Variants in UBQLN1 observed in about 807,000 individuals in gnomAD.
UBQLN1 encodes the protein ubiquilin 1, also known as ubiquilin-1.
In UBQLN1, 13 loss-of-function variants were observed where a neutral mutation model predicts 65.4. The ratio of observed to expected loss-of-function variants is 0.20; its 90% CI spans 0.13 to 0.32. UBQLN1 has a LOEUF of 0.32. Ranked by LOEUF, UBQLN1 falls within the 10% of genes least tolerant of loss-of-function variation. The pLI is 1.00. For missense variants in UBQLN1, 561 were observed against 724.0 expected (o/e 0.77, Z 2.58); for synonymous variants, 267 against 247.8 (o/e 1.08, Z -0.73).
chr9:83,694,759 A>G (rs1038728996), intron 1 of UBQLN1, among the ~76,000 whole-genome samples: 9 of 152,214 alleles, frequency 5.9e-5, no homozygotes, highest in African/African-American at 2.2e-4. Context: ...AGAAACCAAT[A>G]TAAGTAAATC....
chr9:83,668,461 A>C, intron 7 of UBQLN1: 7 of 985,368 alleles, frequency 7.1e-6, no homozygotes, highest in Non-Finnish European at 8.4e-6. Context: ...GCCCTGTGGT[A>C]TGGAACCTAG....
At chr9:83,707,214 G>A (rs1832425562) in intron 1 of UBQLN1, among the ~76,000 whole-genome samples, 1 of 152,144 alleles carries the variant, frequency 6.6e-6, no homozygotes, top group Admixed American at 6.5e-5. Flanking sequence ...GACGGAGGGC[G>A]GGGAACTGGG....
chr9:83,689,194 C>T (rs72746871), intron 1 of UBQLN1, among the ~76,000 whole-genome samples: 19,836 of 152,214 alleles, frequency 0.13, 1,640 homozygotes, highest in Middle Eastern at 0.26. Flanking sequence ...TGACTAGCTT[C>T]TTATACTTGG....
chr9:83,677,982 A>T (rs1384220521), intron 5 of UBQLN1, 21 bp from the exon 6 acceptor site: 1 of 1,550,772 alleles, frequency 6.4e-7, no homozygotes, highest in Admixed American at 1.9e-5. Flanking sequence ...AGACATAAAA[A>T]ATCACAAAGA....
At chr9:83,666,456 A>G (rs1173136118) in intron 7 of UBQLN1, 23 bp from the exon 8 acceptor site, 13 of 1,608,734 alleles carry the variant, frequency 8.1e-6, no homozygotes, top group Non-Finnish European at 1.1e-5. Context: ...TGTTCAAACA[A>G]TTTTAACTGG....
intron 1 of UBQLN1, among the ~76,000 whole-genome samples, chr9:83,694,418 C>T (rs1832175869): frequency 6.6e-6 from 1 of 152,124 alleles, no homozygotes; most frequent in African/African-American, 2.4e-5. Context: ...ATGGTTCTGT[C>T]AGTTATCATT....
intron 1 of UBQLN1, 137 bp downstream of exon 1, chr9:83,707,363 T>G: frequency 2.2e-5 from 21 of 952,786 alleles, no homozygotes; most frequent in Non-Finnish European, 2.5e-5. Flanking sequence ...AACTTGGGTG[T>G]GATCTAATTT....
intron 6 of UBQLN1, among the ~76,000 whole-genome samples, chr9:83,673,154 CAGG>C (rs1373848804): frequency 1.3e-5 from 2 of 152,070 alleles, no homozygotes; most frequent in East Asian, 1.9e-4. Flanking sequence ...CGTTTGAACC[CAGG>C]AGAAGAAGGT....
intron 6 of UBQLN1, among the ~76,000 whole-genome samples, chr9:83,675,173 G>C (rs1697841040): frequency 6.6e-6 from 1 of 152,002 alleles, no homozygotes; most frequent in Admixed American, 6.6e-5. Flanking sequence ...CCACACAGAA[G>C]GTTGATGGTG....
At chr9:83,698,656 T>C (rs759937517) in intron 1 of UBQLN1, among the ~76,000 whole-genome samples, 2 of 152,166 alleles carry the variant, frequency 1.3e-5, no homozygotes, top group African/African-American at 2.4e-5. Flanking sequence ...CTCACACTTG[T>C]ATAATCCTAG....
rs1831973161 is a variant in UBQLN1 at position 83,683,077 on chromosome 9, T to C, written c.333-11A>G. The C allele has an allele frequency of 1.3e-6, 2 of 1,583,742 alleles. No homozygotes were observed. Among genetic ancestry groups the C allele is most frequent in the Non-Finnish European group, 8.7e-7 (1 of 1,155,718 alleles). ...GAATGATCCTGAGGCCTAGGGAAAA[T>C]AATTAATCACAGAGTAAGCAGTAGA... is the stretch of plus-strand genomic sequence containing the variant. On this transcript the variant is annotated splice_polypyrimidine_tract_variant and intron_variant, in intron 2 of 10. Transcript: ENST00000376395.
intron 1 of UBQLN1, among the ~76,000 whole-genome samples, chr9:83,698,926 AAAG>A (rs1832266146): frequency 6.6e-6 from 1 of 152,054 alleles, no homozygotes; most frequent in African/African-American, 2.4e-5. Context: ...AAAAAAAAAA[AAAG>A]TAAATTCTGA....
intron 7 of UBQLN1, chr9:83,667,379 C>A (rs79722629): frequency 0.019 from 8,813 of 458,210 alleles, 131 homozygotes; most frequent in Non-Finnish European, 0.022. Flanking sequence ...AGGAAATGAT[C>A]CTTGCCCTCA....
chr9:83,673,546 T>A (rs796341436), intron 6 of UBQLN1, among the ~76,000 whole-genome samples: 1,962 of 75,330 alleles, frequency 0.026, 124 homozygotes, highest in African/African-American at 0.092. Context: ...CTCGGTCTTT[T>A]AAAAAAAAAA....
chr9:83,673,321 C>T (rs755228553), intron 6 of UBQLN1, among the ~76,000 whole-genome samples: 1 of 149,686 alleles, frequency 6.7e-6, no homozygotes, highest in Non-Finnish European at 1.5e-5. Context: ...GACAGATCAC[C>T]CAAGGTCGGG....
intron 1 of UBQLN1, among the ~76,000 whole-genome samples, chr9:83,701,834 A>G (rs1216468848): frequency 6.6e-6 from 1 of 152,140 alleles, no homozygotes; most frequent in African/African-American, 2.4e-5. Flanking sequence ...AAAAATGAAA[A>G]CGTTATGTCC....
At chr9:83,665,788 CTT>C (rs1831634492) in intron 8 of UBQLN1, among the ~76,000 whole-genome samples, 1 of 152,182 alleles carries the variant, frequency 6.6e-6, no homozygotes, top group African/African-American at 2.4e-5. Flanking sequence ...ACTGACTTCT[CTT>C]TTGTCGTTTT....
intron 1 of UBQLN1, among the ~76,000 whole-genome samples, chr9:83,692,767 G>T (rs1463172471): frequency 6.6e-6 from 1 of 152,126 alleles, no homozygotes; most frequent in African/African-American, 2.4e-5. Flanking sequence ...CAGGAGAATC[G>T]CTTGAACCCG....
chr9:83,667,736 CTTA>C (rs1365306956), intron 7 of UBQLN1: 2 of 980,424 alleles, frequency 2.0e-6, no homozygotes, highest in Admixed American at 6.2e-5. Flanking sequence ...TTAGATACTT[CTTA>C]TAACTTACCT....
Sources: allele counts gnomAD v4.1 joint callset (sites outside exome capture counted in the v4.1 genomes callset), GRCh38; gene constraint gnomAD v4.1.1; transcripts MANE v1.5; gene names NCBI Gene and HGNC (gene_info 2026-07-23, HGNC 2026-07-21).